NFS1: variants seen among roughly 807,000 people sequenced by gnomAD.
NFS1 encodes cysteine desulfurase.
In NFS1, 26 loss-of-function variants were observed where a neutral mutation model predicts 57.3. That is an observed-to-expected ratio of 0.45 (90% CI 0.33 to 0.63). NFS1 has a LOEUF of 0.63. NFS1 is among the 20% of genes least tolerant of loss of function. NFS1 has a pLI of 0.02. For synonymous variants in NFS1, 209 were observed against 216.3 expected (o/e 0.97, Z 0.30); for missense variants, 505 against 605.8 (o/e 0.83, Z 1.75).
chr20:35,673,569 C>A, intron 11 of NFS1, 32 bp downstream of exon 11: 2 of 1,579,928 alleles, frequency 1.3e-6, no homozygotes, highest in Non-Finnish European at 1.7e-6. Context: ...AAGAGGATGC[C>A]TTTCATAAAT....
intron 1 of NFS1, 198 bp downstream of exon 1, chr20:35,698,994 C>T: frequency 7.6e-6 from 10 of 1,323,874 alleles, no homozygotes; most frequent in Non-Finnish European, 9.6e-6. Context: ...GGGGGCCTGT[C>T]GCGCAGGGTG....
intron 11 of NFS1, 43 bp from the exon 12 acceptor site, chr20:35,672,887 G>C: frequency 4.2e-6 from 5 of 1,178,482 alleles, no homozygotes; most frequent in Non-Finnish European, 6.2e-6. Flanking sequence ...CAGAGCTCTG[G>C]CACTGGGATA....
At chr20:35,683,732 A>G (rs2034889957) in intron 5 of NFS1, among the ~76,000 whole-genome samples, 1 of 145,698 alleles carries the variant, frequency 6.9e-6, no homozygotes, top group Non-Finnish European at 1.5e-5. Flanking sequence ...CAGTGAGCCG[A>G]GATTGCACCA....
At chr20:35,670,059 T>G (rs1442572484) in intron 12 of NFS1, among the ~76,000 whole-genome samples, 1 of 152,232 alleles carries the variant, frequency 6.6e-6, no homozygotes, top group African/African-American at 2.4e-5. Flanking sequence ...TGTATAAACA[T>G]CTAGTTTAAG....
intron 7 of NFS1, among the ~76,000 whole-genome samples, chr20:35,678,505 G>A (rs1259012308): frequency 3.3e-5 from 5 of 150,032 alleles, no homozygotes; most frequent in Non-Finnish European, 7.4e-5. Flanking sequence ...TCCAGCCTGG[G>A]GGACAAGAGC....
Position 35,680,834 on chromosome 20 carries a change from A to G in NFS1, c.693T>C (p.Thr231=). 1 of 1,577,402 alleles carries G rather than the reference A, an allele frequency of 6.3e-7. No individual in the cohort carries two copies. Among genetic ancestry groups the G allele is most frequent in the East Asian group, 2.4e-5 (1 of 42,294 alleles). The change falls in exon 7 of 13, where the codon ACT becomes ACC. Residue 231 remains threonine, a synonymous_variant. Transcript: ENST00000374092. ...TTTTTCCAACAGCCTGGGCTGCATC[A>G]GTATGGAAATATACCTTTCTGGAAC... ...ICSSRKVYFH[T]DAAQAVGKIP... is the part of the protein sequence containing the mutation.
At chr20:35,693,739 G>A (rs1286608606) in intron 4 of NFS1, among the ~76,000 whole-genome samples, 1 of 152,072 alleles carries the variant, frequency 6.6e-6, no homozygotes, top group African/African-American at 2.4e-5. Flanking sequence ...CAAGGCAGGC[G>A]GATCACAAGG....
At chr20:35,693,100 T>G (rs1601535400) in intron 4 of NFS1, among the ~76,000 whole-genome samples, 1 of 152,018 alleles carries the variant, frequency 6.6e-6, no homozygotes, top group East Asian at 1.9e-4. Flanking sequence ...TCATTTTATT[T>G]TATTTTTGTT....
At chr20:35,689,756 G>A (rs144065552) in intron 5 of NFS1, among the ~76,000 whole-genome samples, 5,476 of 145,998 alleles carry the variant, frequency 0.038, 121 homozygotes, top group African/African-American at 0.056. Flanking sequence ...GCAATACAGC[G>A]AGACTCTGTT....
chr20:35,691,088 CTTCCT>C (rs1375826932), intron 4 of NFS1, among the ~76,000 whole-genome samples: 1 of 152,070 alleles, frequency 6.6e-6, no homozygotes, highest in Admixed American at 6.6e-5. Context: ...ATTTCTATAC[CTTCCT>C]TTCAATTTTG....
At chr20:35,695,804 G>T (rs1489875737) in intron 4 of NFS1, among the ~76,000 whole-genome samples, 1 of 152,104 alleles carries the variant, frequency 6.6e-6, no homozygotes, top group African/African-American at 2.4e-5. Flanking sequence ...CACTTTGGGA[G>T]GTCGAGATGG....
chr20:35,674,480 C>T lies in NFS1; in HGVS notation c.1054+32G>A, dbSNP rs773648613. On this transcript the variant is annotated intron_variant, in intron 9 of 12. Transcript: ENST00000374092. ...AGAGGTCTCAGAGTCTCAGCCTCTA[C>T]CAGAATGAGGATAGAAAGAGCAAGT... 3.1e-6 allele frequency: 5 copies of T among 1,610,324 alleles called. No individual in the cohort carries two copies. In the South Asian group the frequency reaches 5.5e-5, roughly 18 times the overall value.
In NFS1 at chr20:35,674,525, C is replaced by T. The variant is rs1256768336; in HGVS notation, c.1041G>A (p.Lys347=). 6.2e-7 allele frequency: 1 copy of T among 1,613,480 alleles called. No individual in the cohort carries two copies. The highest frequency in any genetic ancestry group is 8.5e-7 in the Non-Finnish European group (1 of 1,179,516). Residue 347 remains lysine, a synonymous_variant, in exon 9 of 13, where the codon AAG becomes AAA. Transcript: ENST00000374092. ...LPDVVMNGDP[K]HHYPGCINLS... is the part of the protein sequence containing the mutation. The stretch of plus-strand genomic sequence containing the variant: ...GCAAGTCCATACCGGGATAATGGTG[C>T]TTAGGGTCCCCATTCATCACCACAT...
chr20:35,698,361 A>T, intron 2 of NFS1, 120 bp downstream of exon 2: 2 of 774,608 alleles, frequency 2.6e-6, no homozygotes, highest in Non-Finnish European at 4.2e-6. Flanking sequence ...CTCCTCGCTC[A>T]GTGCTTTTTC....
intron 12 of NFS1, 64 bp from the exon 13 acceptor site, chr20:35,669,749 C>A: frequency 6.7e-7 from 1 of 1,486,226 alleles, no homozygotes; most frequent in South Asian, 1.1e-5. Flanking sequence ...ACATTGGCCC[C>A]AAGGCTCTGA....
chr20:35,685,670 C>G (rs560317257), intron 5 of NFS1, among the ~76,000 whole-genome samples: 2 of 149,012 alleles, frequency 1.3e-5, no homozygotes, highest in Admixed American at 1.3e-4. Flanking sequence ...ACCAGCCTGA[C>G]CAACATGGTG....
chr20:35,671,919 T>A (rs556892458), intron 12 of NFS1, among the ~76,000 whole-genome samples: 1 of 151,918 alleles, frequency 6.6e-6, no homozygotes, highest in Non-Finnish European at 1.5e-5. Context: ...ACTACCTGCA[T>A]TACCTGCATT....
intron 5 of NFS1, among the ~76,000 whole-genome samples, chr20:35,690,110 A>G (rs1468689893): frequency 2.0e-5 from 3 of 151,944 alleles, no homozygotes; most frequent in African/African-American, 7.3e-5. Context: ...AAAATAAAAA[A>G]AAGAAGTAAC....
chr20:35,670,992 G>C (rs896624914), intron 12 of NFS1, among the ~76,000 whole-genome samples: 1 of 152,166 alleles, frequency 6.6e-6, no homozygotes, highest in Non-Finnish European at 1.5e-5. Flanking sequence ...ACAGAGCCAG[G>C]CTCTGAAAAA....
Sources: gnomAD v4.1 joint callset for allele counts (sites outside exome capture counted in the v4.1 genomes callset) on GRCh38, gnomAD v4.1.1 for gene constraint, MANE v1.5 for transcripts, NCBI Gene and HGNC (gene_info 2026-07-23, HGNC 2026-07-21) for gene names.